AUTS2: variants seen among roughly 807,000 people sequenced by gnomAD.
The protein encoded by AUTS2 is autism susceptibility gene 2 protein.
In AUTS2, 17 loss-of-function variants were observed where a neutral mutation model predicts 112.4. That is an observed-to-expected ratio of 0.15 (90% CI 0.10 to 0.23). The LOEUF is 0.23. Ranked by LOEUF, AUTS2 falls within the 10% of genes least tolerant of loss-of-function variation. The pLI is 1.00. For missense variants in AUTS2, 1,510 were observed against 1,701.6 expected, an observed-to-expected ratio of 0.89 and a Z score of 1.98; for synonymous variants, 751 against 702.7, an observed-to-expected ratio of 1.07 and a Z score of -1.09.
At chr7:69,926,965 A>G (rs1169315815) in intron 2 of AUTS2, among the ~76,000 whole-genome samples, 1 of 146,916 alleles carries the variant, frequency 6.8e-6, no homozygotes, top group Non-Finnish European at 1.5e-5. Context: ...TAACATATAT[A>G]TTATATATAT....
At chr7:70,088,682 G>A (rs1009767283) in intron 2 of AUTS2, among the ~76,000 whole-genome samples, 3 of 151,110 alleles carry the variant, frequency 2.0e-5, no homozygotes, top group South Asian at 4.2e-4. Context: ...GCGCGATCTC[G>A]GCTGACTGCA....
At chr7:69,617,069 TATATA>T (rs1793419609) in intron 1 of AUTS2, among the ~76,000 whole-genome samples, 1 of 152,132 alleles carries the variant, frequency 6.6e-6, no homozygotes, top group African/African-American at 2.4e-5. Context: ...AATAAACAAA[TATATA>T]ATATGTTGGG....
At chr7:70,732,263 AGAT>A (rs1787458117) in intron 6 of AUTS2, among the ~76,000 whole-genome samples, 2 of 152,218 alleles carry the variant, frequency 1.3e-5, no homozygotes, top group Non-Finnish European at 2.9e-5. Context: ...ACTAATACTT[AGAT>A]TGGTTCGTGC....
chr7:70,409,533 A>C (rs189020165), intron 4 of AUTS2, among the ~76,000 whole-genome samples: 1 of 152,282 alleles, frequency 6.6e-6, no homozygotes, highest in Non-Finnish European at 1.5e-5. Flanking sequence ...GCATTCCGAC[A>C]GTGTCTTCCA....
intron 1 of AUTS2, among the ~76,000 whole-genome samples, chr7:69,685,551 G>A (rs1797025845): frequency 6.6e-6 from 1 of 152,142 alleles, no homozygotes; most frequent in South Asian, 2.1e-4. Flanking sequence ...AATTTCTGAA[G>A]ATTAGAATTG....
intron 5 of AUTS2, among the ~76,000 whole-genome samples, chr7:70,563,644 C>G (rs1046382459): frequency 2.0e-5 from 3 of 152,118 alleles, no homozygotes; most frequent in Non-Finnish European, 4.4e-5. Flanking sequence ...ATTGGGCCCA[C>G]CAGGTATTCT....
rs1040960798 is a variant in AUTS2, at chr7:70,237,890, G to A, written c.660+103319G>A. On this transcript the variant is annotated intron_variant, in intron 4 of 18. Coordinates refer to ENST00000342771, the MANE Select transcript of AUTS2 (RefSeq NM_015570.4). ...ACTTAATTTGGTGGTAAATACACTC[G>A]GAGCGATTGCTGGAAGGGAAGAAAA... 2.0e-5 allele frequency among the ~76,000 whole-genome samples: 3 copies of A among 152,136 alleles called. 1 individual carries two copies. Among genetic ancestry groups the A allele is most frequent in the Non-Finnish European group, 4.4e-5 (3 of 68,034 alleles).
intron 2 of AUTS2, among the ~76,000 whole-genome samples, chr7:70,022,469 C>G (rs1320106786): frequency 6.6e-6 from 1 of 151,888 alleles, no homozygotes; most frequent in East Asian, 1.9e-4. Context: ...AACAGGTGCA[C>G]ACCACCATGC....
At chr7:69,718,582 T>C (rs547436318) in intron 1 of AUTS2, among the ~76,000 whole-genome samples, 2 of 152,332 alleles carry the variant, frequency 1.3e-5, no homozygotes, top group Admixed American at 6.5e-5. Context: ...TTAAGAACCC[T>C]TGATTACATT....
At chr7:70,462,130 T>C (rs1796990161) in intron 5 of AUTS2, among the ~76,000 whole-genome samples, 2 of 152,086 alleles carry the variant, frequency 1.3e-5, no homozygotes, top group African/African-American at 2.4e-5. Flanking sequence ...CATGCGTCTG[T>C]AGTCCCAGCT....
At chr7:70,725,791 T>C (rs1786991698) in intron 6 of AUTS2, among the ~76,000 whole-genome samples, 1 of 152,152 alleles carries the variant, frequency 6.6e-6, no homozygotes, top group African/African-American at 2.4e-5. Context: ...CCAAATGTAA[T>C]AAAAATAGAC....
intron 2 of AUTS2, among the ~76,000 whole-genome samples, chr7:69,936,850 G>A (rs996134011): frequency 2.6e-5 from 4 of 152,138 alleles, no homozygotes; most frequent in Admixed American, 6.5e-5. Flanking sequence ...CACTAAACTT[G>A]AGAATTATTG....
At chr7:70,488,085 A>G (rs1798086175) in intron 5 of AUTS2, among the ~76,000 whole-genome samples, 1 of 152,218 alleles carries the variant, frequency 6.6e-6, no homozygotes, top group South Asian at 2.1e-4. Context: ...TCTGGAACCC[A>G]GCAATGGGAA....
rs193181953 is a variant in AUTS2, at chr7:70,612,539, G to T, written c.691-86030G>T. 4.0e-4 allele frequency among the ~76,000 whole-genome samples: 61 copies of T among 152,002 alleles called. 1 individual carries two copies. The East Asian group carries it at 6.4e-3, about 16-fold the overall frequency. ...GATCTAGTATTGTCCTTCAAGTTGA[G>T]GAAACTGAGGTCCAGTAAGTCCAAC... On this transcript the variant is annotated intron_variant, in intron 5 of 18. Transcript: ENST00000342771.
intron 5 of AUTS2, among the ~76,000 whole-genome samples, chr7:70,521,883 A>T (rs1049349295): frequency 2.6e-5 from 4 of 152,204 alleles, no homozygotes; most frequent in Admixed American, 1.3e-4. Context: ...TTTGCCTCTC[A>T]GAGCCTCAGT....
chr7:70,135,270 G>C (rs1278705508), intron 4 of AUTS2, among the ~76,000 whole-genome samples: 1 of 151,894 alleles, frequency 6.6e-6, no homozygotes, highest in Non-Finnish European at 1.5e-5. Context: ...TCTCCTTTCT[G>C]GATTTAGTGA....
At chr7:69,723,870 G>A (rs1036274400) in intron 1 of AUTS2, among the ~76,000 whole-genome samples, 1 of 152,170 alleles carries the variant, frequency 6.6e-6, no homozygotes, top group African/African-American at 2.4e-5. Context: ...AGTAGTCTTA[G>A]TCTGCCTCCT....
At chr7:69,785,359 A>C (rs1338473362) in intron 1 of AUTS2, among the ~76,000 whole-genome samples, 1 of 152,224 alleles carries the variant, frequency 6.6e-6, no homozygotes, top group Non-Finnish European at 1.5e-5. Context: ...TTATGTTGTA[A>C]GGGTCTGCTT....
intron 6 of AUTS2, among the ~76,000 whole-genome samples, chr7:70,732,323 T>G (rs916529478): frequency 1.3e-5 from 2 of 152,196 alleles, no homozygotes; most frequent in Non-Finnish European, 2.9e-5. Flanking sequence ...CCCTTTAGGA[T>G]TCCTCACATG....
Sources: allele counts gnomAD v4.1 joint callset (sites outside exome capture counted in the v4.1 genomes callset), GRCh38; gene constraint gnomAD v4.1.1; transcripts MANE v1.5; gene names NCBI Gene and HGNC (gene_info 2026-07-23, HGNC 2026-07-21).